The following OLA1 variants were observed in gnomAD, a reference collection of about 807,000 sequenced individuals.
OLA1 encodes the protein obg-like ATPase 1.
OLA1 carries 14 observed loss-of-function variants against 48.4 expected under a neutral mutation model. The observed-to-expected ratio is 0.29, with a 90% CI of 0.19 to 0.45. OLA1 has a LOEUF of 0.45. Among genes scored for constraint, OLA1 ranks in the 20% least tolerant of loss-of-function variants. OLA1 has a pLI of 1.00. For synonymous variants in OLA1, 127 were observed against 150.4 expected (o/e 0.84, Z 1.14); for missense variants, 325 against 467.1 (o/e 0.70, Z 2.80).
In OLA1 at chr2:174,169,166, C is replaced by T. The variant is rs535940703; in HGVS notation, c.374-27166G>A. Reference sequence around the variant, plus strand: ...TTCGCCATGTTGGCCAGGCTGGTCTCGAACTCCTGACCTCATGATCTGCCT... The same window carrying T: ...TTCGCCATGTTGGCCAGGCTGGTCTTGAACTCCTGACCTCATGATCTGCCT... On this transcript the variant is annotated intron_variant, in intron 4 of 10. Transcript: ENST00000284719. 3.2e-3 allele frequency among the ~76,000 whole-genome samples: 488 copies of T among 152,146 alleles called. 3 individuals are homozygous for T. Among genetic ancestry groups the T allele is most frequent in the Non-Finnish European group, 3.2e-3 (220 of 68,002 alleles).
At chr2:174,188,319 C>T (rs1194343262) in intron 4 of OLA1, among the ~76,000 whole-genome samples, 1 of 152,028 alleles carries the variant, frequency 6.6e-6, no homozygotes, top group African/African-American at 2.4e-5. Flanking sequence ...CTCACGCCTA[C>T]AAAACCCACT....
At chr2:174,200,128 G>A (rs1304636471) in intron 4 of OLA1, among the ~76,000 whole-genome samples, 1 of 151,974 alleles carries the variant, frequency 6.6e-6, no homozygotes, top group Non-Finnish European at 1.5e-5. Flanking sequence ...GAATTATTAA[G>A]TCATTTTAAA....
At chr2:174,090,981 T>C (rs973839135) in intron 7 of OLA1, among the ~76,000 whole-genome samples, 5 of 152,232 alleles carry the variant, frequency 3.3e-5, no homozygotes, top group Admixed American at 6.5e-5. Flanking sequence ...ATATTGCCCA[T>C]AGTTTTCTGT....
rs142008992 is a variant in OLA1 at position 174,199,657 on chromosome 2, G to C, written c.373+23376C>G. ...TATCTGTATCACTCACCAAGAATCA[G>C]CATTTTCCAAACAACCAAATGGGTA... On this transcript the variant is annotated intron_variant, in intron 4 of 10. Coordinates refer to ENST00000284719, the MANE Select transcript of OLA1 (RefSeq NM_013341.5). 6.3e-4 allele frequency among the ~76,000 whole-genome samples: 96 copies of C among 152,162 alleles called. 2 individuals are homozygous for C. The East Asian group carries it at 0.014, about 23-fold the overall frequency.
At position 174,233,559 on chromosome 2, in the gene OLA1, G is replaced by C. The variant is rs542295785; in HGVS notation, c.102-4108C>G. ...CAGCTAATTTTTTGTACTTTTAGTA[G>C]AGATGGGGTTTTGCCATGTTGGCCA... is the stretch of plus-strand genomic sequence containing the variant. On this transcript the variant is annotated intron_variant, in intron 2 of 10. Transcript: ENST00000284719. Among the ~76,000 whole-genome samples, 6 of 152,284 alleles carry C rather than the reference G, an allele frequency of 3.9e-5. No individual in the cohort carries two copies. The East Asian group carries it at 1.2e-3, about 29-fold the overall frequency.
At chr2:174,144,987 C>T (rs1452825978) in intron 4 of OLA1, among the ~76,000 whole-genome samples, 4 of 95,816 alleles carry the variant, frequency 4.2e-5, no homozygotes, top group Admixed American at 2.4e-4. Flanking sequence ...TATATAATCA[C>T]GGAATATATA....
At chr2:174,237,213 G>A (rs778036339) in intron 2 of OLA1, among the ~76,000 whole-genome samples, 7 of 149,660 alleles carry the variant, frequency 4.7e-5, no homozygotes, top group Non-Finnish European at 1.0e-4. Flanking sequence ...GTTAAACACC[G>A]AGACATAAAC....
intron 7 of OLA1, among the ~76,000 whole-genome samples, chr2:174,116,587 G>A (rs1366125944): frequency 6.6e-6 from 1 of 152,100 alleles, no homozygotes; most frequent in African/African-American, 2.4e-5. Flanking sequence ...AAAAAGATCA[G>A]GTCTTATCTG....
chr2:174,205,949 A>G (rs1450419935), intron 4 of OLA1, among the ~76,000 whole-genome samples: 1 of 152,214 alleles, frequency 6.6e-6, no homozygotes, highest in Non-Finnish European at 1.5e-5. Context: ...TTCAACTGCC[A>G]GGGCTAGCAA....
intron 5 of OLA1, among the ~76,000 whole-genome samples, chr2:174,131,034 A>T (rs577541379): frequency 6.6e-6 from 1 of 152,314 alleles, no homozygotes; most frequent in Admixed American, 6.5e-5. Flanking sequence ...AGTATAACAT[A>T]TCTAAGTGCC....
chr2:174,142,976 A>C (rs1250137619), intron 4 of OLA1, among the ~76,000 whole-genome samples: 1 of 152,192 alleles, frequency 6.6e-6, no homozygotes, highest in African/African-American at 2.4e-5. Context: ...ATTATTTTAG[A>C]CAGAGGTATC....
intron 4 of OLA1, among the ~76,000 whole-genome samples, chr2:174,213,989 T>C (rs1474670138): frequency 6.6e-6 from 1 of 151,340 alleles, no homozygotes; most frequent in Non-Finnish European, 1.5e-5. Context: ...AGTGTTGAAA[T>C]TTAAAACCTA....
intron 4 of OLA1, among the ~76,000 whole-genome samples, chr2:174,170,286 G>T (rs1045347486): frequency 2.6e-5 from 4 of 151,916 alleles, no homozygotes; most frequent in African/African-American, 9.7e-5. Flanking sequence ...TAAAAATAAA[G>T]GGCACCTGTA....
At chr2:174,231,200 G>A (rs1432169246) in intron 2 of OLA1, among the ~76,000 whole-genome samples, 1 of 152,094 alleles carries the variant, frequency 6.6e-6, no homozygotes, top group Non-Finnish European at 1.5e-5. Context: ...TTAAAATAAA[G>A]AGTGATAGTT....
chr2:174,161,755 A>C (rs1283007790), intron 4 of OLA1, among the ~76,000 whole-genome samples: 1 of 151,912 alleles, frequency 6.6e-6, no homozygotes, highest in Non-Finnish European at 1.5e-5. Context: ...TGCACCCTGC[A>C]TATTCTCTTA....
chr2:174,073,893 T>TA lies in OLA1; in HGVS notation c.*1532dup, dbSNP rs1049096389. 6.6e-6 allele frequency: 1 copy of TA among 152,192 alleles called. No homozygotes were observed. Among genetic ancestry groups the TA allele is most frequent in the Admixed American group, 6.5e-5 (1 of 15,284 alleles). The allele number at this position is 152,192 out of a possible 1,614,324, so 9.4% of individuals were successfully genotyped here. ...TTTTATTTGTTTTATTTAGTTCTTT[T>TA]AAAAAACCCTTCATTAGTTTTATTC... On this transcript the variant is annotated 3_prime_UTR_variant, in exon 11 of 11. Transcript: ENST00000284719.
chr2:174,132,531 T>C (rs897156203), intron 5 of OLA1, among the ~76,000 whole-genome samples: 4 of 152,130 alleles, frequency 2.6e-5, no homozygotes, highest in Middle Eastern at 3.2e-3. Context: ...AACAACAAAT[T>C]TGGTATATTG....
intron 4 of OLA1, among the ~76,000 whole-genome samples, chr2:174,145,834 A>G (rs1249742171): frequency 2.0e-5 from 3 of 152,212 alleles, no homozygotes; most frequent in Non-Finnish European, 4.4e-5. Flanking sequence ...AATACTAACT[A>G]TAATCATATT....
chr2:174,205,621 G>C (rs1027618506), intron 4 of OLA1, among the ~76,000 whole-genome samples: 2 of 152,164 alleles, frequency 1.3e-5, no homozygotes, highest in Middle Eastern at 3.2e-3. Context: ...AATCTCTGCT[G>C]GTTCAATGGG....
Sources: allele counts gnomAD v4.1 joint callset (sites outside exome capture counted in the v4.1 genomes callset), GRCh38; gene constraint gnomAD v4.1.1; transcripts MANE v1.5; gene names NCBI Gene and HGNC (gene_info 2026-07-23, HGNC 2026-07-21).